Variants in PTPRD observed in about 807,000 individuals in gnomAD.
PTPRD encodes the protein receptor-type tyrosine-protein phosphatase delta.
In PTPRD, 34 loss-of-function variants were observed where a neutral mutation model predicts 214.5. The observed-to-expected ratio is 0.16, with a 90% confidence interval of 0.12 to 0.21. The LOEUF is 0.21. Ranked by LOEUF, PTPRD falls within the 10% of genes least tolerant of loss-of-function variation. The pLI is 1.00. For synonymous variants in PTPRD, 1,128 were observed against 845.7 expected (o/e 1.33, Z -5.79); for missense variants, 2,545 against 2,398.7 (o/e 1.06, Z -1.27).
intron 2 of PTPRD, among the ~76,000 whole-genome samples, chr9:10,510,302 G>A (rs1248329986): frequency 6.6e-6 from 1 of 151,912 alleles, no homozygotes; most frequent in Non-Finnish European, 1.5e-5. Flanking sequence ...CAATCTGATT[G>A]ATCTTTACAA....
At chr9:9,304,326 T>C (rs1339944851) in intron 9 of PTPRD, among the ~76,000 whole-genome samples, 2 of 152,186 alleles carry the variant, frequency 1.3e-5, no homozygotes, top group South Asian at 2.1e-4. Flanking sequence ...GTGATCATGA[T>C]AATCTTTCAA....
At chr9:8,878,852 G>A (rs1176651547) in intron 11 of PTPRD, among the ~76,000 whole-genome samples, 1 of 152,170 alleles carries the variant, frequency 6.6e-6, no homozygotes, top group African/African-American at 2.4e-5. Context: ...TTAATTATCT[G>A]TGCTTTATAA....
At chr9:10,590,373 AG>A in intron 2 of PTPRD, among the ~76,000 whole-genome samples, 1 of 152,036 alleles carries the variant, frequency 6.6e-6, no homozygotes, top group Non-Finnish European at 1.5e-5. Flanking sequence ...TTAAATGAGC[AG>A]TTTTTCAAAC....
intron 44 of PTPRD, among the ~76,000 whole-genome samples, chr9:8,327,450 C>G (rs900094237): frequency 6.6e-6 from 1 of 151,758 alleles, no homozygotes; most frequent in African/African-American, 2.4e-5. Flanking sequence ...TGTTTTACTT[C>G]CAATATGTGG....
chr9:9,594,432 C>A (rs957224722), intron 7 of PTPRD, among the ~76,000 whole-genome samples: 1 of 151,990 alleles, frequency 6.6e-6, no homozygotes, highest in Admixed American at 6.6e-5. Context: ...CTTGATGAAT[C>A]TTGAGTTGAT....
chr9:8,704,939 A>T (rs563245818), intron 12 of PTPRD, among the ~76,000 whole-genome samples: 153 of 151,982 alleles, frequency 1.0e-3, no homozygotes, highest in African/African-American at 1.8e-3. Flanking sequence ...AAAAATAAAT[A>T]AATAAAAAGA....
chr9:10,514,555 T>C (rs2049367377), intron 2 of PTPRD, among the ~76,000 whole-genome samples: 1 of 151,932 alleles, frequency 6.6e-6, no homozygotes, highest in Non-Finnish European at 1.5e-5. Flanking sequence ...ATTCAAATTA[T>C]TTCCAAATTG....
At chr9:8,561,751 A>ATT (rs35530419) in intron 14 of PTPRD, among the ~76,000 whole-genome samples, 6,688 of 144,978 alleles carry the variant, frequency 0.046, 455 homozygotes, top group African/African-American at 0.15. Flanking sequence ...GGATCCTTGG[A>ATT]TTTTTTTTTT....
Position 10,442,613 on chromosome 9 carries a change from C to T in PTPRD, c.-599-101596G>A, listed in dbSNP as rs572744319. Among the ~76,000 whole-genome samples, 7 of 151,604 alleles carry T rather than the reference C, an allele frequency of 4.6e-5. No homozygotes were observed. The South Asian group carries it at 1.5e-3, about 31-fold the overall frequency. On this transcript the variant is annotated intron_variant, in intron 2 of 45. Transcript: ENST00000381196. ...GTTAATAAGGGAGAGAACTTGGTAG[C>T]AAATAGTCAGAGAAACTGAGTCCCT... is the stretch of plus-strand genomic sequence containing the variant.
At chr9:9,912,880 CATAAAA>C (rs1200525877) in intron 5 of PTPRD, among the ~76,000 whole-genome samples, 3 of 152,026 alleles carry the variant, frequency 2.0e-5, no homozygotes, top group Non-Finnish European at 4.4e-5. Context: ...TAGGAAAGAA[CATAAAA>C]ATAGAGTATA....
At chr9:10,029,083 G>A (rs1297814258) in intron 4 of PTPRD, among the ~76,000 whole-genome samples, 1 of 152,222 alleles carries the variant, frequency 6.6e-6, no homozygotes, top group Non-Finnish European at 1.5e-5. Flanking sequence ...GAGGGTGCAA[G>A]GCCCAAGTCT....
intron 2 of PTPRD, among the ~76,000 whole-genome samples, chr9:10,434,116 A>G (rs1364671876): frequency 6.6e-6 from 1 of 151,922 alleles, no homozygotes; most frequent in Non-Finnish European, 1.5e-5. Flanking sequence ...ACCCACAAAA[A>G]TATGTCTGCA....
intron 7 of PTPRD, among the ~76,000 whole-genome samples, chr9:9,733,800 T>G (rs2098242766): frequency 6.6e-6 from 1 of 152,188 alleles, no homozygotes; most frequent in Admixed American, 6.5e-5. Context: ...TGAGATAAAA[T>G]GTTTGATAAT....
intron 5 of PTPRD, among the ~76,000 whole-genome samples, chr9:9,908,815 C>T (rs984677766): frequency 1.3e-5 from 2 of 151,860 alleles, no homozygotes. Context: ...AAAATAGGCA[C>T]TCATACAAAT....
chr9:9,407,195 C>A (rs1305660618), intron 8 of PTPRD, among the ~76,000 whole-genome samples: 2 of 151,696 alleles, frequency 1.3e-5, no homozygotes, highest in Non-Finnish European at 3.0e-5. Context: ...AAAAGCATGT[C>A]TGTTTTTGGT....
intron 14 of PTPRD, among the ~76,000 whole-genome samples, chr9:8,592,898 T>C (rs1046712723): frequency 2.0e-5 from 3 of 152,086 alleles, no homozygotes; most frequent in East Asian, 1.9e-4. Context: ...TCGTGAAGGA[T>C]AGGTAGAGGT....
intron 7 of PTPRD, among the ~76,000 whole-genome samples, chr9:9,678,547 T>C (rs934038834): frequency 6.6e-6 from 1 of 151,958 alleles, no homozygotes; most frequent in Non-Finnish European, 1.5e-5. Flanking sequence ...TTTTATTAGA[T>C]ACCTCAAAGA....
chr9:8,838,247 T>TAAA (rs150807119), intron 11 of PTPRD, among the ~76,000 whole-genome samples: 23 of 147,416 alleles, frequency 1.6e-4, no homozygotes, highest in East Asian at 3.9e-4. Flanking sequence ...GACTTCAAAT[T>TAAA]AAAAAAAAAA....
intron 11 of PTPRD, among the ~76,000 whole-genome samples, chr9:8,757,891 A>G (rs10121002): frequency 0.05 from 7,685 of 152,192 alleles, 483 homozygotes; most frequent in African/African-American, 0.15. Flanking sequence ...TGGGATCTCT[A>G]TCTATATAAA....
Sources: allele counts gnomAD v4.1 joint callset (sites outside exome capture counted in the v4.1 genomes callset), GRCh38; gene constraint gnomAD v4.1.1; transcripts MANE v1.5; gene names NCBI Gene and HGNC (gene_info 2026-07-23, HGNC 2026-07-21).